Variants in GRID2 observed in about 807,000 individuals in gnomAD.
GRID2 encodes the protein glutamate receptor ionotropic, delta-2.
GRID2 carries 33 observed loss-of-function variants against 114.8 expected under a neutral mutation model. The observed-to-expected ratio is 0.29, with a 90% CI of 0.22 to 0.38. The LOEUF is 0.38. Ranked by LOEUF, GRID2 falls within the 10% of genes least tolerant of loss-of-function variation. The probability of loss-of-function intolerance (pLI) is 1.00; values close to 1 mark genes in which losing one functional copy is unlikely to be tolerated. For missense variants in GRID2, 1,184 were observed against 1,257.7 expected, an observed-to-expected ratio of 0.94 and a Z score of 0.89; for synonymous variants, 505 against 449.9, an observed-to-expected ratio of 1.12 and a Z score of -1.55.
intron 1 of GRID2, among the ~76,000 whole-genome samples, chr4:92,352,273 G>A (rs1295287035): frequency 6.6e-6 from 1 of 151,350 alleles, no homozygotes; most frequent in Non-Finnish European, 1.5e-5. Context: ...TTTACCTGTT[G>A]GCTATTTCTA....
chr4:93,490,355 A>G (rs1333196094), intron 11 of GRID2, among the ~76,000 whole-genome samples: 2 of 151,960 alleles, frequency 1.3e-5, no homozygotes, highest in Non-Finnish European at 2.9e-5. Flanking sequence ...TATACCTGTG[A>G]TTATAATAAA....
At chr4:92,983,476 C>T (rs1400227098) in intron 2 of GRID2, among the ~76,000 whole-genome samples, 1 of 152,062 alleles carries the variant, frequency 6.6e-6, no homozygotes, top group Non-Finnish European at 1.5e-5. Flanking sequence ...CATATTCAAA[C>T]CACAGCAGTA....
At chr4:92,796,424 G>A (rs139146493) in intron 2 of GRID2, among the ~76,000 whole-genome samples, 19 of 151,926 alleles carry the variant, frequency 1.3e-4, no homozygotes, top group Admixed American at 3.9e-4. Context: ...TTGTACAACC[G>A]AAAGACTGAC....
chr4:92,348,945 G>T (rs1727923588), intron 1 of GRID2, among the ~76,000 whole-genome samples: 1 of 151,902 alleles, frequency 6.6e-6, no homozygotes, highest in African/African-American at 2.4e-5. Context: ...GTGGACCTAA[G>T]AGAGTACTCT....
intron 1 of GRID2, among the ~76,000 whole-genome samples, chr4:92,533,417 GA>G (rs1194109404): frequency 9.9e-5 from 15 of 151,630 alleles, no homozygotes; most frequent in Admixed American, 5.9e-4. Context: ...GAGATATTGT[GA>G]AAAATCTTAA....
chr4:92,897,313 A>G (rs1247538432), intron 2 of GRID2, among the ~76,000 whole-genome samples: 4 of 152,142 alleles, frequency 2.6e-5, no homozygotes, highest in Admixed American at 6.5e-5. Context: ...AAAAACAACT[A>G]TCCATCTCTT....
intron 4 of GRID2, among the ~76,000 whole-genome samples, chr4:93,131,145 ATTTTTT>A (rs34215461): frequency 1.1e-5 from 1 of 88,748 alleles, no homozygotes. Context: ...AGATTAAATA[ATTTTTT>A]TTTTTTTTTT....
intron 2 of GRID2, among the ~76,000 whole-genome samples, chr4:92,941,380 T>G (rs765496806): frequency 6.6e-6 from 1 of 152,188 alleles, no homozygotes; most frequent in Non-Finnish European, 1.5e-5. Flanking sequence ...TATTCTCTGA[T>G]GGTAGTCTGT....
At position 92,725,623 on chromosome 4, in the gene GRID2, G is replaced by A. The variant is rs561621086; in HGVS notation, c.244+135337G>A. Among the ~76,000 whole-genome samples, 273 of 152,186 alleles carry A rather than the reference G, an allele frequency of 1.8e-3. 1 individual carries two copies. The highest frequency in any genetic ancestry group is 6.1e-3 in the African/African-American group (255 of 41,540). ...TCAGTTTGTAAAATGGAAGTGACAG[G>A]AATCTTGGGAGATGTTCGTATCGTC... is the stretch of plus-strand genomic sequence containing the variant. On this transcript the variant is annotated intron_variant, in intron 2 of 15. Transcript: ENST00000282020.
chr4:93,584,629 T>C (rs1162239511), intron 13 of GRID2, among the ~76,000 whole-genome samples: 1 of 152,066 alleles, frequency 6.6e-6, no homozygotes, highest in African/African-American at 2.4e-5. Context: ...TCATTAGAAA[T>C]GGAATTTAAC....
At chr4:92,712,083 G>A (rs1326872563) in intron 2 of GRID2, among the ~76,000 whole-genome samples, 1 of 152,098 alleles carries the variant, frequency 6.6e-6, no homozygotes, top group East Asian at 1.9e-4. Flanking sequence ...TTAGAATTTA[G>A]TCTACCATAC....
chr4:92,547,924 C>T (rs1441550732), intron 1 of GRID2, among the ~76,000 whole-genome samples: 1 of 151,990 alleles, frequency 6.6e-6, no homozygotes, highest in Non-Finnish European at 1.5e-5. Context: ...CAGGATTAGT[C>T]TACTACTGTG....
intron 1 of GRID2, among the ~76,000 whole-genome samples, chr4:92,552,115 G>A (rs1396653492): frequency 5.3e-5 from 8 of 151,974 alleles, no homozygotes; most frequent in African/African-American, 1.5e-4. Flanking sequence ...TGAAAGGGTA[G>A]TGCATGTATT....
intron 2 of GRID2, among the ~76,000 whole-genome samples, chr4:92,693,131 T>C (rs1418966685): frequency 6.6e-6 from 1 of 151,884 alleles, no homozygotes; most frequent in Admixed American, 6.6e-5. Flanking sequence ...TTTTCTAAAT[T>C]TAAATCTTTC....
chr4:92,979,820 G>T (rs567223206), intron 2 of GRID2, among the ~76,000 whole-genome samples: 52 of 152,212 alleles, frequency 3.4e-4, no homozygotes, highest in African/African-American at 1.2e-3. Flanking sequence ...AGAGAGATTT[G>T]CATTTAGCAA....
At chr4:92,900,732 G>A (rs1422697787) in intron 2 of GRID2, among the ~76,000 whole-genome samples, 1 of 151,426 alleles carries the variant, frequency 6.6e-6, no homozygotes, top group Non-Finnish European at 1.5e-5. Context: ...TACGCCGGAG[G>A]CTGAGGCAGG....
At chr4:93,465,741 A>C (rs1269129890) in intron 11 of GRID2, among the ~76,000 whole-genome samples, 1 of 152,270 alleles carries the variant, frequency 6.6e-6, no homozygotes, top group Non-Finnish European at 1.5e-5. Flanking sequence ...ATTAGTTTAA[A>C]AAAGCATAGT....
chr4:93,570,464 G>C (rs930689437), intron 13 of GRID2, among the ~76,000 whole-genome samples: 3 of 152,152 alleles, frequency 2.0e-5, no homozygotes, highest in Non-Finnish European at 4.4e-5. Flanking sequence ...ACAATAAGTT[G>C]GTTAAGGGGC....
chr4:93,667,717 G>A (rs1724070419), intron 14 of GRID2, among the ~76,000 whole-genome samples: 1 of 151,978 alleles, frequency 6.6e-6, no homozygotes. Flanking sequence ...TTAGCCATAA[G>A]ATTTATAAAG....
Sources: allele counts gnomAD v4.1 joint callset (sites outside exome capture counted in the v4.1 genomes callset), GRCh38; gene constraint gnomAD v4.1.1; transcripts MANE v1.5; gene names NCBI Gene and HGNC (gene_info 2026-07-23, HGNC 2026-07-21).